Variants in CPEB2 observed in about 807,000 individuals in gnomAD.
CPEB2 encodes cytoplasmic polyadenylation element binding protein 2.
In CPEB2, 56 loss-of-function variants were observed where a neutral mutation model predicts 93.6. The ratio of observed to expected loss-of-function variants is 0.60; its 90% CI spans 0.48 to 0.75. CPEB2 has a LOEUF of 0.75. Among genes scored for constraint, CPEB2 ranks in the 30% least tolerant of loss-of-function variants. The pLI is 0.00. For synonymous variants in CPEB2, 764 were observed against 586.3 expected (o/e 1.30, Z -4.38); for missense variants, 1,579 against 1,395.1 (o/e 1.13, Z -2.10).
chr4:15,018,969 T>TATATATATATATATATACAC (rs1479960595), intron 4 of CPEB2, among the ~76,000 whole-genome samples: 3 of 139,196 alleles, frequency 2.2e-5, no homozygotes, highest in Non-Finnish European at 4.7e-5. Flanking sequence ...TATATATATA[T>TATATATATATATATATACAC]ACACACGCAC....
chr4:15,017,076 T>A (rs1724238700), intron 3 of CPEB2, 112 bp from the exon 4 acceptor site: 1 of 639,186 alleles, frequency 1.6e-6, no homozygotes, highest in Non-Finnish European at 2.8e-6. Flanking sequence ...TACAGATTAA[T>A]TAGTAATAAT....
Position 15,067,363 on chromosome 4 carries a change from TG to T in CPEB2, c.*985del, listed in dbSNP as rs1729778146. The T allele has an allele frequency of 6.6e-6, 1 of 152,530 alleles. No individual in the cohort carries two copies. The highest frequency in any genetic ancestry group is 2.1e-4 in the South Asian group (1 of 4,836). The allele number at this position is 152,530 out of a possible 1,614,324, so 9.4% of individuals were successfully genotyped here. On this transcript the variant is annotated 3_prime_UTR_variant, in exon 12 of 12. Coordinates refer to ENST00000538197, the MANE Select transcript of CPEB2 (RefSeq NM_001177382.2). ...AGCCATTTTGTGATCTGGTCAGTAG[TG>T]GAATTCGATTTTATGCAGACTGGAT...
Position 15,037,268 on chromosome 4 carries a change from G to A in CPEB2, c.2177-3196G>A, listed in dbSNP as rs188436976. On this transcript the variant is annotated intron_variant, in intron 5 of 11. Transcript: ENST00000538197. ...CAGTGATGCAGTGAGCTGAGACTGC[G>A]CCACTGCACTCCAGCCTGGGCGACA... Among the ~76,000 whole-genome samples, 105 of 151,350 alleles carry A rather than the reference G, an allele frequency of 6.9e-4. No homozygotes were observed. In the East Asian group the frequency reaches 0.019, roughly 27 times the overall value.
At chr4:15,025,592 C>G (rs1214636585) in intron 4 of CPEB2, among the ~76,000 whole-genome samples, 2 of 151,760 alleles carry the variant, frequency 1.3e-5, no homozygotes, top group South Asian at 4.2e-4. Flanking sequence ...TGTGGGTCTT[C>G]TAGTCTTCTG....
intron 3 of CPEB2, among the ~76,000 whole-genome samples, chr4:15,015,704 A>G (rs769337107): frequency 6.6e-6 from 1 of 151,998 alleles, no homozygotes; most frequent in Non-Finnish European, 1.5e-5. Context: ...GGAAAAAAAG[A>G]AATTATGTAC....
chr4:15,020,438 G>T (rs1188722841), intron 4 of CPEB2, among the ~76,000 whole-genome samples: 1 of 152,094 alleles, frequency 6.6e-6, no homozygotes, highest in African/African-American at 2.4e-5. Flanking sequence ...ATGCTAAGTG[G>T]CAGGTTCCTG....
chr4:15,054,105 G>A, intron 7 of CPEB2, 23 bp from the exon 8 acceptor site: 3 of 1,501,144 alleles, frequency 2.0e-6, no homozygotes, highest in South Asian at 1.2e-5. Context: ...AATTTCTAAT[G>A]TGTATTATTG....
At chr4:15,050,979 CTT>C (rs1208653741) in intron 6 of CPEB2, among the ~76,000 whole-genome samples, 2 of 152,232 alleles carry the variant, frequency 1.3e-5, no homozygotes, top group Non-Finnish European at 2.9e-5. Flanking sequence ...GCATATAAAA[CTT>C]TACATCTAAA....
chr4:15,009,491 C>G (rs1723214976), intron 3 of CPEB2, among the ~76,000 whole-genome samples: 1 of 152,158 alleles, frequency 6.6e-6, no homozygotes, highest in Non-Finnish European at 1.5e-5. Flanking sequence ...TTTACCTCTA[C>G]TCTCTTCTCT....
At chr4:15,018,708 A>T (rs1362440209) in intron 4 of CPEB2, among the ~76,000 whole-genome samples, 1 of 150,320 alleles carries the variant, frequency 6.7e-6, no homozygotes, top group Non-Finnish European at 1.5e-5. Context: ...TAAAGTCAAG[A>T]TTATTAACTG....
Position 15,003,007 on chromosome 4 carries a change from G to C in CPEB2, c.334G>C (p.Ala112Pro). The change falls in exon 1 of 12, where the codon GCG (alanine) becomes CCG (proline). Residue 112 changes from alanine (A) to proline (P), a missense_variant. By Grantham distance (27) the Ala-to-Pro change is conservative. Coordinates refer to ENST00000538197, the MANE Select transcript of CPEB2 (RefSeq NM_001177382.2). ...TQQPARPLSGAAATEKLPDHH... is the reference protein window; with the variant it reads ...TQQPARPLSGPAATEKLPDHH... ...GCAGCCGGCGCGGCCGCTTTCGGGG[G>C]CGGCGGCCACGGAGAAACTCCCCGA... is the stretch of plus-strand genomic sequence containing the variant. 2.0e-6 allele frequency: 3 copies of C among 1,495,618 alleles called. No individual in the cohort carries two copies. Among genetic ancestry groups the C allele is most frequent in the Non-Finnish European group, 2.6e-6 (3 of 1,133,934 alleles). 92.6% of individuals were successfully genotyped at this position (1,495,618 alleles called of 1,614,324 possible).
intron 4 of CPEB2, among the ~76,000 whole-genome samples, chr4:15,023,676 A>G (rs1725043681): frequency 6.6e-6 from 1 of 152,012 alleles, no homozygotes; most frequent in Admixed American, 6.5e-5. Flanking sequence ...ATATAATGAA[A>G]AAATAGAAGT....
intron 5 of CPEB2, among the ~76,000 whole-genome samples, chr4:15,034,946 T>C (rs1726463309): frequency 6.6e-6 from 1 of 152,206 alleles, no homozygotes; most frequent in South Asian, 2.1e-4. Flanking sequence ...TCTTAGCATA[T>C]TGTCTTCCTG....
Position 15,004,219 on chromosome 4 carries a change from G to T in CPEB2, c.1546G>T (p.Ala516Ser). ...ACCTCAACAGCAGCCCCCGCCGCCC[G>T]CGGCGCCGCAGCAGCCGCAGAGCCG... ...NIPQQQPPPP[A>S]APQQPQSRRS... Residue 516 changes from alanine to serine, a missense_variant, in exon 1 of 12, where the codon GCG (alanine) becomes TCG (serine). Around this residue, in one of 2 missense-constraint regions of CPEB2, gnomAD observed 1,411 missense variants for 1,056.0 expected, o/e 1.34. Transcript: ENST00000538197. The T allele has an allele frequency of 7.5e-7, 1 of 1,339,608 alleles. No homozygotes were observed. The highest frequency in any genetic ancestry group is 9.7e-7 in the Non-Finnish European group (1 of 1,031,108). 83.0% of individuals were successfully genotyped at this position (1,339,608 alleles called of 1,614,324 possible). A position where few individuals can be genotyped will look rare whatever the true frequency, so the allele number is the denominator to read the frequency against.
At chr4:15,050,993 CTTAAA>C (rs1728170084) in intron 6 of CPEB2, among the ~76,000 whole-genome samples, 1 of 152,206 alleles carries the variant, frequency 6.6e-6, no homozygotes, top group East Asian at 1.9e-4. Flanking sequence ...ACATCTAAAG[CTTAAA>C]TTATTTTCCT....
At position 15,009,356 on chromosome 4, in the gene CPEB2, C is replaced by T. The variant is rs1338845118; in HGVS notation, c.2034+929C>T. On this transcript the variant is annotated intron_variant, in intron 3 of 11. Coordinates refer to ENST00000538197, the MANE Select transcript of CPEB2 (RefSeq NM_001177382.2). ...GTTAGCATTAATTTTGATAATCAACCACTAACAATTGTTTTAGCCAAGTCC... is the reference window on the plus strand; with the variant it reads ...GTTAGCATTAATTTTGATAATCAACTACTAACAATTGTTTTAGCCAAGTCC... Among the ~76,000 whole-genome samples the T allele has an allele frequency of 2.0e-5, 3 of 152,232 alleles. No individual in the cohort carries two copies. In the East Asian group the frequency reaches 5.8e-4, roughly 29 times the overall value.
At chr4:15,042,900 T>C (rs1727321752) in intron 6 of CPEB2, among the ~76,000 whole-genome samples, 1 of 152,158 alleles carries the variant, frequency 6.6e-6, no homozygotes, top group South Asian at 2.1e-4. Flanking sequence ...TTAGATTTGA[T>C]CCATCAAAGA....
chr4:15,011,815 A>G (rs971193786), intron 3 of CPEB2, among the ~76,000 whole-genome samples: 3 of 152,208 alleles, frequency 2.0e-5, no homozygotes, highest in African/African-American at 4.8e-5. Flanking sequence ...TGTGTGAAGC[A>G]TGTACGTGCA....
intron 6 of CPEB2, among the ~76,000 whole-genome samples, chr4:15,043,369 C>T (rs956976877): frequency 1.3e-5 from 2 of 152,200 alleles, no homozygotes; most frequent in Non-Finnish European, 2.9e-5. Flanking sequence ...ACTATCACTA[C>T]TGTGTATCTC....
Sources: gnomAD v4.1 joint callset for allele counts (sites outside exome capture counted in the v4.1 genomes callset) on GRCh38, gnomAD v4.1.1 for gene constraint, gnomAD v4.1.1 regional missense constraint, MANE v1.5 for transcripts, NCBI Gene and HGNC (gene_info 2026-07-23, HGNC 2026-07-21) for gene names.